ZBTB20: variants seen among roughly 807,000 people sequenced by gnomAD.
ZBTB20 encodes zinc finger and BTB domain-containing protein 20.
ZBTB20 carries 9 observed loss-of-function variants against 56.9 expected under a neutral mutation model. That is an observed-to-expected ratio of 0.16 (90% CI 0.10 to 0.28). The LOEUF is 0.28. Among genes scored for constraint, ZBTB20 ranks in the 10% least tolerant of loss-of-function variants. The pLI, the probability that ZBTB20 is intolerant of heterozygous loss-of-function variation, is 1.00. For synonymous variants in ZBTB20, 417 were observed against 420.7 expected (o/e 0.99, Z 0.11); for missense variants, 655 against 1,003.0 (o/e 0.65, Z 4.69).
intron 4 of ZBTB20, among the ~76,000 whole-genome samples, chr3:114,874,444 C>T (rs1283096653): frequency 1.3e-5 from 2 of 152,182 alleles, no homozygotes; most frequent in African/African-American, 4.8e-5. Flanking sequence ...ATAAACTCAT[C>T]TTCACAGGAA....
chr3:114,339,175 C>G lies in ZBTB20; in HGVS notation c.2056G>C (p.Ala686Pro). The change falls in exon 12 of 12, where the codon GCC becomes CCC. Residue 686 changes from alanine (A) to proline (P), a missense_variant. Ala to Pro is a conservative substitution (Grantham distance 27). Coordinates refer to ENST00000675478, the MANE Select transcript of ZBTB20 (RefSeq NM_001348800.3). The surrounding 1 kb of genome is among the most constrained non-coding windows in gnomAD (Gnocchi z 4.2). ...CCTGCAGGGGGGGTCCCATTGCTGG[C>G]ACTGTGCAGGGCCACGTGTCGCTCC... The part of the protein sequence containing the change: ...LLERHVALHS[A>P]SNGTPPAGTP... 1 of 1,614,200 alleles carries G rather than the reference C, an allele frequency of 6.2e-7. No homozygotes were observed. The highest frequency in any genetic ancestry group is 8.5e-7 in the Non-Finnish European group (1 of 1,180,018).
chr3:114,749,406 A>G (rs2067373631), intron 5 of ZBTB20, among the ~76,000 whole-genome samples: 1 of 152,108 alleles, frequency 6.6e-6, no homozygotes, highest in African/African-American at 2.4e-5. Context: ...ACAAAAAAGT[A>G]GCTGGGTGTG....
chr3:114,788,724 G>A (rs1182330418), intron 5 of ZBTB20, among the ~76,000 whole-genome samples: 2 of 152,120 alleles, frequency 1.3e-5, no homozygotes, highest in East Asian at 1.9e-4. Flanking sequence ...TAAACAGGAT[G>A]TATTCATTTG....
At chr3:114,504,728 A>G (rs1019515729) in intron 6 of ZBTB20, among the ~76,000 whole-genome samples, 2 of 152,280 alleles carry the variant, frequency 1.3e-5, no homozygotes, top group African/African-American at 4.8e-5. Flanking sequence ...GTATTGGATC[A>G]CTCACTCTAA....
chr3:115,024,146 GGACT>G (rs1396722046), intron 2 of ZBTB20, among the ~76,000 whole-genome samples: 1 of 151,032 alleles, frequency 6.6e-6, no homozygotes. Flanking sequence ...GCCAAAAATA[GGACT>G]GACTGTTTTC....
chr3:114,537,266 A>T lies in ZBTB20; in HGVS notation c.-294-36875T>A, dbSNP rs550343274. ...TAACAAAGGGCTAATATCCAGAATC[A>T]ACAAGGAATTTAAACAAATTTACAA... On this transcript the variant is annotated intron_variant, in intron 6 of 11. Transcript: ENST00000675478. Among the ~76,000 whole-genome samples the T allele has an allele frequency of 9.9e-5, 15 of 152,246 alleles. No homozygotes were observed. The East Asian group carries it at 2.9e-3, about 29-fold the overall frequency.
chr3:114,484,716 T>C (rs1262157859), intron 7 of ZBTB20, among the ~76,000 whole-genome samples: 1 of 152,188 alleles, frequency 6.6e-6, no homozygotes, highest in African/African-American at 2.4e-5. Context: ...TCCAGAAATA[T>C]TTTTGTTGGA....
intron 6 of ZBTB20, among the ~76,000 whole-genome samples, chr3:114,627,113 T>C (rs2058696737): frequency 6.6e-6 from 1 of 152,162 alleles, no homozygotes; most frequent in African/African-American, 2.4e-5. Context: ...CCAACTCTAC[T>C]CCTACCCACT....
intron 4 of ZBTB20, among the ~76,000 whole-genome samples, chr3:114,824,554 T>C (rs545823984): frequency 6.6e-6 from 1 of 152,092 alleles, no homozygotes; most frequent in East Asian, 1.9e-4. Flanking sequence ...GAAAGGAAAC[T>C]AATATATATG....
intron 2 of ZBTB20, among the ~76,000 whole-genome samples, chr3:114,990,844 G>T (rs888255494): frequency 6.6e-6 from 1 of 152,126 alleles, no homozygotes; most frequent in African/African-American, 2.4e-5. Flanking sequence ...GAGAGTGTGT[G>T]TGTTCAGGAA....
intron 4 of ZBTB20, among the ~76,000 whole-genome samples, chr3:114,841,609 G>C (rs1032377358): frequency 6.6e-6 from 1 of 152,166 alleles, no homozygotes; most frequent in African/African-American, 2.4e-5. Flanking sequence ...CCAGGTGATT[G>C]ACTGCATGTG....
chr3:114,350,548 G>A lies in ZBTB20; in HGVS notation c.1530C>T (p.Ala510=). 1.9e-6 allele frequency: 3 copies of A among 1,614,140 alleles called. No homozygotes were observed. The highest frequency in any genetic ancestry group is 2.5e-6 in the Non-Finnish European group (3 of 1,180,012). ...IGTAGNTYLP[A]LFTTQPAGSG... is the part of the protein sequence containing the mutation. ...TGCCCGCGGGCTGGGTAGTGAAGAG[G>A]GCTGGCAGGTAGGTGTTGCCAGCTG... Residue 510 remains alanine, a synonymous_variant, in exon 11 of 12, where the codon GCC becomes GCT. Coordinates refer to ENST00000675478, the MANE Select transcript of ZBTB20 (RefSeq NM_001348800.3).
chr3:114,609,787 G>C (rs2057418893), intron 6 of ZBTB20, among the ~76,000 whole-genome samples: 1 of 152,176 alleles, frequency 6.6e-6, no homozygotes, highest in South Asian at 2.1e-4. Context: ...ACCAGGATCA[G>C]ACAGCATCAG....
At chr3:114,666,994 A>G (rs980848586) in intron 6 of ZBTB20, among the ~76,000 whole-genome samples, 2 of 152,204 alleles carry the variant, frequency 1.3e-5, no homozygotes, top group African/African-American at 4.8e-5. Context: ...GTGATATTCT[A>G]GATTACATAT....
chr3:115,072,577 G>A (rs934733392), intron 1 of ZBTB20, among the ~76,000 whole-genome samples: 2 of 152,142 alleles, frequency 1.3e-5, no homozygotes, highest in South Asian at 2.1e-4. Context: ...CAACTCTTAA[G>A]CTGCCTTGGA....
At chr3:114,754,711 G>A (rs2067868016) in intron 5 of ZBTB20, among the ~76,000 whole-genome samples, 1 of 152,014 alleles carries the variant, frequency 6.6e-6, no homozygotes, top group Non-Finnish European at 1.5e-5. Context: ...GTATATAGTA[G>A]TTCTTAATAA....
chr3:114,751,805 C>T (rs922464919), intron 5 of ZBTB20, among the ~76,000 whole-genome samples: 7 of 152,090 alleles, frequency 4.6e-5, no homozygotes. Flanking sequence ...TGTCATTTAT[C>T]TACTGAGCTA....
chr3:114,439,750 C>T (rs1019274943), intron 7 of ZBTB20, among the ~76,000 whole-genome samples: 1 of 152,124 alleles, frequency 6.6e-6, no homozygotes, highest in South Asian at 2.1e-4. Flanking sequence ...AACTTAATTC[C>T]GTCCTTTCTA....
In ZBTB20 at chr3:114,315,568, A is replaced by AGT. The variant is rs60383315; in HGVS notation, c.*23435_*23436dup. 0.024 allele frequency: 3,547 copies of AGT among 147,616 alleles called. 88 individuals carry two copies. Among genetic ancestry groups the AGT allele is most frequent in the African/African-American group, 0.064 (2,530 of 39,822 alleles). The allele number at this position is 147,616 out of a possible 1,614,324, so 9.1% of individuals were successfully genotyped here. A position where few individuals can be genotyped will look rare whatever the true frequency, so the allele number is the denominator to read the frequency against. On this transcript the variant is annotated 3_prime_UTR_variant, in exon 12 of 12. Transcript: ENST00000675478. Reference sequence around the variant, plus strand: ...GTGTGTATTTTAGGTCTAAACATACAGTGTGTGTGTGTGTGTGTGTGTGTG... The same window carrying AGT: ...GTGTGTATTTTAGGTCTAAACATACAGTGTGTGTGTGTGTGTGTGTGTGTGTG...
Sources: gnomAD v4.1 joint callset for allele counts (sites outside exome capture counted in the v4.1 genomes callset) on GRCh38, gnomAD v4.1.1 for gene constraint, Gnocchi (gnomAD v3.1) non-coding constraint, MANE v1.5 for transcripts, NCBI Gene and HGNC (gene_info 2026-07-23, HGNC 2026-07-21) for gene names.